The following PARD3 variants were observed in gnomAD, a reference collection of about 807,000 sequenced individuals.
PARD3 encodes par-3 family cell polarity regulator.
Under a neutral mutation model 155.4 loss-of-function variants are expected in PARD3, and 75 were observed. The observed-to-expected ratio is 0.48, with a 90% CI of 0.40 to 0.58. PARD3 has a LOEUF of 0.58. Among genes scored for constraint, PARD3 ranks in the 20% least tolerant of loss-of-function variants. The probability of loss-of-function intolerance (pLI) is 0.00; values close to 1 mark genes in which losing one functional copy is unlikely to be tolerated. For synonymous variants in PARD3, 576 were observed against 610.5 expected, an observed-to-expected ratio of 0.94 and a Z score of 0.83; for missense variants, 1,642 against 1,721.7, an observed-to-expected ratio of 0.95 and a Z score of 0.82.
rs1491232443 is a variant in PARD3 at position 34,261,842 on chromosome 10, A to AC, written c.3419+7814_3419+7815insG. ...GAAAGAAAGAAACAAACAAACAAAC[A>AC]AACACACACACACTGGACAGAATGC... is the stretch of plus-strand genomic sequence containing the variant. On this transcript the variant is annotated intron_variant, in intron 22 of 24. Transcript: ENST00000374788. 1.1e-4 allele frequency among the ~76,000 whole-genome samples: 17 copies of AC among 150,114 alleles called. 1 individual carries two copies. Among genetic ancestry groups the AC allele is most frequent in the African/African-American group, 4.1e-4 (17 of 41,020 alleles).
intron 1 of PARD3, among the ~76,000 whole-genome samples, chr10:34,755,452 A>G (rs1213579738): frequency 2.0e-5 from 3 of 152,070 alleles, no homozygotes; most frequent in Non-Finnish European, 2.9e-5. Context: ...GCCGATCACA[A>G]GAGCCCAGTG....
At chr10:34,213,958 TG>T (rs1185122194) in intron 22 of PARD3, among the ~76,000 whole-genome samples, 49 of 152,314 alleles carry the variant, frequency 3.2e-4, no homozygotes, top group African/African-American at 1.0e-3. Flanking sequence ...TGCAGTGGTG[TG>T]ATCATAGCTC....
At chr10:34,116,905 G>A (rs2132657666) in intron 24 of PARD3, among the ~76,000 whole-genome samples, 1 of 146,276 alleles carries the variant, frequency 6.8e-6, no homozygotes, top group East Asian at 1.9e-4. Flanking sequence ...CGCTTCCGCA[G>A]GGAGAGGCGG....
intron 22 of PARD3, among the ~76,000 whole-genome samples, chr10:34,131,944 C>T (rs1947638618): frequency 6.6e-6 from 1 of 152,072 alleles, no homozygotes. Flanking sequence ...GTCCTAGCTT[C>T]TGTACCTTCT....
intron 12 of PARD3, among the ~76,000 whole-genome samples, chr10:34,364,234 G>C (rs1839741275): frequency 6.6e-6 from 1 of 152,156 alleles, no homozygotes; most frequent in Non-Finnish European, 1.5e-5. Flanking sequence ...ATTTGGATGA[G>C]AATGTACAAA....
chr10:34,557,627 C>T (rs1047987945), intron 2 of PARD3, among the ~76,000 whole-genome samples: 9 of 151,956 alleles, frequency 5.9e-5, no homozygotes, highest in African/African-American at 1.2e-4. Flanking sequence ...TACAGGCGTC[C>T]GCCACCATGC....
At chr10:34,423,925 G>T (rs1303308084) in intron 5 of PARD3, among the ~76,000 whole-genome samples, 1 of 152,136 alleles carries the variant, frequency 6.6e-6, no homozygotes. Flanking sequence ...GAATTGAAAA[G>T]AAATCATGAA....
intron 2 of PARD3, among the ~76,000 whole-genome samples, chr10:34,666,286 G>A (rs1030964320): frequency 8.6e-5 from 13 of 151,250 alleles, no homozygotes; most frequent in African/African-American, 2.2e-4. Flanking sequence ...ACTGAACTCC[G>A]GCATGTACAT....
chr10:34,790,470 A>G (rs1841496074), intron 1 of PARD3, among the ~76,000 whole-genome samples: 1 of 152,246 alleles, frequency 6.6e-6, no homozygotes, highest in Non-Finnish European at 1.5e-5. Context: ...TGATAAGGCT[A>G]GCAAGCCCAG....
intron 1 of PARD3, among the ~76,000 whole-genome samples, chr10:34,721,934 T>C (rs564848521): frequency 6.6e-6 from 1 of 152,304 alleles, no homozygotes; most frequent in African/African-American, 2.4e-5. Flanking sequence ...TCCTAGAGCT[T>C]TGGGAGGCCA....
chr10:34,705,095 T>C (rs2094343277), intron 1 of PARD3, among the ~76,000 whole-genome samples: 1 of 152,110 alleles, frequency 6.6e-6, no homozygotes, highest in East Asian at 1.9e-4. Context: ...AAAAAAAAAA[T>C]GAATCATTAG....
At chr10:34,500,845 A>C (rs2133422909) in intron 3 of PARD3, among the ~76,000 whole-genome samples, 1 of 152,342 alleles carries the variant, frequency 6.6e-6, no homozygotes, top group Admixed American at 6.5e-5. Context: ...AGAAGGAAAG[A>C]GGAGAGCTTG....
At chr10:34,687,844 A>ATTTT (rs1564509050) in intron 2 of PARD3, among the ~76,000 whole-genome samples, 14 of 57,364 alleles carry the variant, frequency 2.4e-4, no homozygotes, top group Admixed American at 4.0e-4. Context: ...TACACCTGAA[A>ATTTT]TCTTTTTTTT....
intron 3 of PARD3, among the ~76,000 whole-genome samples, chr10:34,490,780 C>T (rs1358790820): frequency 6.6e-6 from 1 of 152,140 alleles, no homozygotes; most frequent in South Asian, 2.1e-4. Flanking sequence ...AAACGTCACA[C>T]TTGTTTGTAT....
At chr10:34,502,284 G>C (rs1394574160) in intron 3 of PARD3, among the ~76,000 whole-genome samples, 1 of 152,168 alleles carries the variant, frequency 6.6e-6, no homozygotes, top group South Asian at 2.1e-4. Context: ...GAGTCAGAGA[G>C]AGATGTAACC....
chr10:34,361,188 A>C (rs1839402455), intron 12 of PARD3, among the ~76,000 whole-genome samples: 1 of 152,210 alleles, frequency 6.6e-6, no homozygotes, highest in African/African-American at 2.4e-5. Flanking sequence ...CAGTAAGGCT[A>C]GGATGCTTGT....
chr10:34,657,803 T>G (rs2093216579), intron 2 of PARD3, among the ~76,000 whole-genome samples: 1 of 151,724 alleles, frequency 6.6e-6, no homozygotes, highest in Non-Finnish European at 1.5e-5. Flanking sequence ...CCTCCCAAAG[T>G]GCTGGGATTA....
intron 16 of PARD3, among the ~76,000 whole-genome samples, chr10:34,337,886 T>C (rs910859286): frequency 4.6e-5 from 7 of 152,254 alleles, no homozygotes; most frequent in Admixed American, 3.9e-4. Flanking sequence ...ATCTTTTATG[T>C]TGTGTTTTAA....
At chr10:34,150,523 C>T (rs1948725566) in intron 22 of PARD3, among the ~76,000 whole-genome samples, 1 of 152,154 alleles carries the variant, frequency 6.6e-6, no homozygotes. Context: ...GCCTGGCTTG[C>T]TCATGAAGTC....
Sources: allele counts gnomAD v4.1 joint callset (sites outside exome capture counted in the v4.1 genomes callset), GRCh38; gene constraint gnomAD v4.1.1; transcripts MANE v1.5; gene names NCBI Gene and HGNC (gene_info 2026-07-23, HGNC 2026-07-21).